The following PDE4D variants were observed in gnomAD, a reference collection of about 807,000 sequenced individuals.
PDE4D encodes the protein 3',5'-cyclic-AMP phosphodiesterase 4D.
PDE4D carries 24 observed loss-of-function variants against 87.4 expected under a neutral mutation model. That is an observed-to-expected ratio of 0.27 (90% CI 0.20 to 0.39). The LOEUF (loss-of-function observed/expected upper bound fraction) is 0.39. Among genes scored for constraint, PDE4D ranks in the 10% least tolerant of loss-of-function variants. PDE4D has a pLI of 1.00. For synonymous variants in PDE4D, 384 were observed against 383.2 expected, an observed-to-expected ratio of 1.00 and a Z score of -0.02; for missense variants, 714 against 1,041.0, an observed-to-expected ratio of 0.69 and a Z score of 4.32.
At chr5:59,092,211 T>A (rs1423332145) in intron 5 of PDE4D, among the ~76,000 whole-genome samples, 1 of 152,226 alleles carries the variant, frequency 6.6e-6, no homozygotes, top group East Asian at 1.9e-4. Context: ...TGAATCTCTT[T>A]AACAAGCTTT....
At chr5:59,431,422 A>G (rs1377595146) in intron 1 of PDE4D, among the ~76,000 whole-genome samples, 1 of 151,986 alleles carries the variant, frequency 6.6e-6, no homozygotes, top group African/African-American at 2.4e-5. Flanking sequence ...GATAATTTTT[A>G]TTTTGAAAAA....
intron 1 of PDE4D, among the ~76,000 whole-genome samples, chr5:59,596,242 T>C (rs1445684951): frequency 2.0e-5 from 3 of 150,616 alleles, no homozygotes; most frequent in South Asian, 2.1e-4. Flanking sequence ...TTATAACATA[T>C]GTATATTACA....
intron 1 of PDE4D, among the ~76,000 whole-genome samples, chr5:59,616,587 A>G (rs1175558543): frequency 1.3e-5 from 2 of 152,168 alleles, no homozygotes; most frequent in African/African-American, 2.4e-5. Context: ...TGTCTCTGTG[A>G]TAATGTCATG....
At chr5:59,734,875 T>C (rs563995401) in intron 1 of PDE4D, among the ~76,000 whole-genome samples, 1 of 152,184 alleles carries the variant, frequency 6.6e-6, no homozygotes, top group Non-Finnish European at 1.5e-5. Flanking sequence ...ATGTCTGTAA[T>C]TGAATTTTAA....
rs141526575 is a variant in PDE4D at position 59,575,686 on chromosome 5, C to T, written c.455+317482G>A. On this transcript the variant is annotated intron_variant, in intron 1 of 14. Coordinates refer to ENST00000340635, the MANE Select transcript of PDE4D (RefSeq NM_001104631.2). ...AAAACCTGAAATTAATATTAAAAGC[C>T]GTAAATTCCCAGGACACAATTCTGG... Among the ~76,000 whole-genome samples, 779 of 152,188 alleles carry T rather than the reference C, an allele frequency of 5.1e-3. 3 individuals are homozygous for T. Among genetic ancestry groups the T allele is most frequent in the South Asian group, 9.5e-3 (46 of 4,820 alleles).
chr5:59,414,780 T>C (rs1361564874), intron 1 of PDE4D, among the ~76,000 whole-genome samples: 1 of 152,142 alleles, frequency 6.6e-6, no homozygotes, highest in African/African-American at 2.4e-5. Context: ...TTAGAGCCCA[T>C]GTACTCCTAT....
At chr5:60,085,596 A>G (rs1006574020) in intron 2 of PDE4D, among the ~76,000 whole-genome samples, 11 of 152,172 alleles carry the variant, frequency 7.2e-5, no homozygotes, top group Admixed American at 2.0e-4. Context: ...GAATGCCTTC[A>G]TGTAGATGTA....
intron 2 of PDE4D, among the ~76,000 whole-genome samples, chr5:60,184,664 T>G (rs1427942274): frequency 2.0e-5 from 3 of 152,218 alleles, no homozygotes; most frequent in Middle Eastern, 3.2e-3. Flanking sequence ...TGCCTCACCC[T>G]TAAAAGCTGG....
intron 1 of PDE4D, among the ~76,000 whole-genome samples, chr5:59,463,945 G>C (rs1801150345): frequency 6.6e-6 from 1 of 152,178 alleles, no homozygotes; most frequent in Admixed American, 6.5e-5. Context: ...TGAAATATGT[G>C]CTGTGTCAAA....
intron 1 of PDE4D, among the ~76,000 whole-genome samples, chr5:60,236,722 A>T (rs2149643785): frequency 6.6e-6 from 1 of 152,092 alleles, no homozygotes; most frequent in African/African-American, 2.4e-5. Flanking sequence ...AAGAGGTAAG[A>T]ATGATATGAT....
At chr5:60,428,899 G>A (rs1236384549) in intron 1 of PDE4D, among the ~76,000 whole-genome samples, 6 of 152,112 alleles carry the variant, frequency 3.9e-5, no homozygotes, top group Admixed American at 3.9e-4. Context: ...CCAGAATTTG[G>A]AACCAGACAG....
intron 1 of PDE4D, among the ~76,000 whole-genome samples, chr5:59,285,202 T>TA (rs199544571): frequency 0.28 from 33,764 of 121,342 alleles, 4,259 homozygotes; most frequent in Admixed American, 0.4. Flanking sequence ...CCCTAAAACT[T>TA]AAAGTATAAT....
intron 3 of PDE4D, among the ~76,000 whole-genome samples, chr5:59,952,058 T>C (rs1758346885): frequency 6.6e-6 from 1 of 152,160 alleles, no homozygotes; most frequent in Non-Finnish European, 1.5e-5. Flanking sequence ...AACTGGATCA[T>C]GGGGGCAGTT....
At chr5:59,632,997 T>C (rs770716425) in intron 1 of PDE4D, among the ~76,000 whole-genome samples, 2 of 152,146 alleles carry the variant, frequency 1.3e-5, no homozygotes, top group African/African-American at 4.8e-5. Context: ...GATAAAAGGT[T>C]AGTGGAATAG....
At chr5:60,013,033 G>A (rs1765165793) in intron 2 of PDE4D, among the ~76,000 whole-genome samples, 1 of 152,196 alleles carries the variant, frequency 6.6e-6, no homozygotes, top group East Asian at 1.9e-4. Context: ...TCTAATTCTT[G>A]TTTTCCTGGA....
chr5:59,698,654 A>G (rs1047890566), intron 1 of PDE4D, among the ~76,000 whole-genome samples: 5 of 152,168 alleles, frequency 3.3e-5, no homozygotes, highest in African/African-American at 7.2e-5. Flanking sequence ...TAGCAAGAAC[A>G]TGAAGAAATG....
intron 1 of PDE4D, among the ~76,000 whole-genome samples, chr5:60,302,192 T>C (rs1753962765): frequency 6.6e-6 from 1 of 152,226 alleles, no homozygotes; most frequent in Non-Finnish European, 1.5e-5. Flanking sequence ...CCTCATAGAA[T>C]GAGTTAGGGA....
chr5:59,272,163 G>A (rs1163816056), intron 1 of PDE4D, among the ~76,000 whole-genome samples: 2 of 151,914 alleles, frequency 1.3e-5, no homozygotes, highest in Non-Finnish European at 2.9e-5. Context: ...GATCTTACAT[G>A]TAACACATAA....
At chr5:60,407,250 C>A (rs2150058164) in intron 1 of PDE4D, among the ~76,000 whole-genome samples, 2 of 152,024 alleles carry the variant, frequency 1.3e-5, no homozygotes, top group South Asian at 2.1e-4. Flanking sequence ...CACACTGGAG[C>A]TGAGGAAGGA....
Sources: gnomAD v4.1 joint callset for allele counts (sites outside exome capture counted in the v4.1 genomes callset) on GRCh38, gnomAD v4.1.1 for gene constraint, MANE v1.5 for transcripts, NCBI Gene and HGNC (gene_info 2026-07-23, HGNC 2026-07-21) for gene names.